The following JAKMIP2 variants were observed in gnomAD, a reference collection of about 807,000 sequenced individuals.
The protein encoded by JAKMIP2 is janus kinase and microtubule interacting protein 2, also known as janus kinase and microtubule-interacting protein 2.
In JAKMIP2, 25 loss-of-function variants were observed where a neutral mutation model predicts 115.0. That is an observed-to-expected ratio of 0.22 (90% confidence interval 0.16 to 0.30). The LOEUF (loss-of-function observed/expected upper bound fraction) is 0.30, where lower values mean the gene tolerates loss of function less well. JAKMIP2 is among the 10% of genes least tolerant of loss of function. The pLI is 1.00. For missense variants in JAKMIP2, 642 were observed against 957.6 expected (o/e 0.67, Z 4.35); for synonymous variants, 334 against 343.6 (o/e 0.97, Z 0.31).
Position 147,619,295 on chromosome 5 carries a change from T to G in JAKMIP2, c.2143-1181A>C, listed in dbSNP as rs578235178. On this transcript the variant is annotated intron_variant, in intron 18 of 21. Transcript: ENST00000616793. ...GGACCCACATAAACACACAACTTAA[T>G]TTCGTATAGGTAGAAGAGGCAAGGG... Among the ~76,000 whole-genome samples, 5 of 152,038 alleles carry G rather than the reference T, an allele frequency of 3.3e-5. No homozygotes were observed. The South Asian group carries it at 1.0e-3, about 32-fold the overall frequency.
intron 1 of JAKMIP2, among the ~76,000 whole-genome samples, chr5:147,685,766 TTA>T (rs1760536256): frequency 6.6e-6 from 1 of 152,178 alleles, no homozygotes; most frequent in African/African-American, 2.4e-5. Flanking sequence ...GCATATATGT[TTA>T]TATATATAAA....
At chr5:147,659,743 G>C (rs1480143077) in intron 3 of JAKMIP2, among the ~76,000 whole-genome samples, 2 of 152,202 alleles carry the variant, frequency 1.3e-5, no homozygotes, top group Non-Finnish European at 2.9e-5. Context: ...GCAGGGCAGA[G>C]ACCGATATTT....
chr5:147,621,936 C>T (rs924195049), intron 17 of JAKMIP2, among the ~76,000 whole-genome samples: 22 of 152,226 alleles, frequency 1.4e-4, no homozygotes, highest in African/African-American at 4.8e-4. Flanking sequence ...GGCGCGATCT[C>T]GGCTCACTGC....
At position 147,674,046 on chromosome 5, in the gene JAKMIP2, T is replaced by G. The variant is rs189370888; in HGVS notation, c.-148-2092A>C. ...CTTGTATATACATACAACACTTTACTTATCAAATCCACTTGAATAGATCTG... is the reference window on the plus strand; with the variant it reads ...CTTGTATATACATACAACACTTTACGTATCAAATCCACTTGAATAGATCTG... On this transcript the variant is annotated intron_variant, in intron 1 of 21. Coordinates refer to ENST00000616793, the MANE Select transcript of JAKMIP2 (RefSeq NM_001270941.2). Among the ~76,000 whole-genome samples, 392 of 152,288 alleles carry G rather than the reference T, an allele frequency of 2.6e-3. 3 individuals are homozygous for G. Among genetic ancestry groups the G allele is most frequent in the Non-Finnish European group, 4.1e-3 (281 of 68,026 alleles).
rs180836857 is a variant in JAKMIP2 at position 147,661,826 on chromosome 5, C to T, written c.130-381G>A. 2.4e-3 allele frequency: 467 copies of T among 196,554 alleles called. 6 individuals carry two copies. The highest frequency in any genetic ancestry group is 1.6e-3 in the Non-Finnish European group (154 of 96,278). The allele number at this position is 196,554 out of a possible 1,614,324, so 12.2% of individuals were successfully genotyped here. On this transcript the variant is annotated intron_variant, in intron 2 of 21. Transcript: ENST00000616793. ...AACAAATCCCCATGTGATTGGTATA[C>T]GCCTTAAAATTAGAAAGTATCGCTA...
intron 1 of JAKMIP2, among the ~76,000 whole-genome samples, chr5:147,771,466 C>G (rs1755350400): frequency 6.6e-6 from 1 of 151,792 alleles, no homozygotes; most frequent in Admixed American, 6.6e-5. Flanking sequence ...GAAAGAAACC[C>G]TTAGATATAT....
chr5:147,757,959 G>A (rs1329880643), intron 1 of JAKMIP2, among the ~76,000 whole-genome samples: 1 of 151,918 alleles, frequency 6.6e-6, no homozygotes, highest in Non-Finnish European at 1.5e-5. Context: ...ACCTGATTTT[G>A]ACTTCAAAAT....
intron 1 of JAKMIP2, among the ~76,000 whole-genome samples, chr5:147,674,985 G>T (rs1010335453): frequency 2.0e-5 from 3 of 152,188 alleles, no homozygotes; most frequent in African/African-American, 4.8e-5. Flanking sequence ...TTGACACATG[G>T]AGTCACTGAT....
At chr5:147,616,957 C>G (rs761138776) in intron 19 of JAKMIP2, among the ~76,000 whole-genome samples, 10 of 152,140 alleles carry the variant, frequency 6.6e-5, no homozygotes, top group South Asian at 2.1e-4. Flanking sequence ...GATGACCACA[C>G]GATTCTTACC....
At chr5:147,764,853 T>A (rs1245824778) in intron 1 of JAKMIP2, among the ~76,000 whole-genome samples, 1 of 142,920 alleles carries the variant, frequency 7.0e-6, no homozygotes, top group African/African-American at 2.7e-5. Flanking sequence ...GCCACTGCAC[T>A]CCAGGCTGGT....
chr5:147,603,820 A>G (rs556275477), intron 20 of JAKMIP2, among the ~76,000 whole-genome samples: 3 of 152,248 alleles, frequency 2.0e-5, no homozygotes, highest in Non-Finnish European at 2.9e-5. Flanking sequence ...TTGAATTCCA[A>G]CAATGAACAT....
At chr5:147,749,360 A>G (rs1754467795) in intron 1 of JAKMIP2, among the ~76,000 whole-genome samples, 1 of 152,192 alleles carries the variant, frequency 6.6e-6, no homozygotes. Flanking sequence ...ACCCTTTTTA[A>G]TCCTTATTTT....
At chr5:147,690,832 G>A (rs1035431790) in intron 1 of JAKMIP2, among the ~76,000 whole-genome samples, 1 of 151,776 alleles carries the variant, frequency 6.6e-6, no homozygotes, top group Non-Finnish European at 1.5e-5. Context: ...ACCTAACCTT[G>A]ACCACAACTC....
intron 19 of JAKMIP2, among the ~76,000 whole-genome samples, chr5:147,614,134 C>T (rs1232696773): frequency 2.0e-5 from 3 of 152,194 alleles, no homozygotes; most frequent in African/African-American, 7.2e-5. Flanking sequence ...TCAGCCATCA[C>T]ATCTATGCTT....
At position 147,661,381 on chromosome 5, in the gene JAKMIP2, T is replaced by G; in HGVS notation, c.194A>C (p.Lys65Thr). Residue 65 changes from lysine (K) to threonine (T), a missense_variant, in exon 3 of 22, where the codon AAG (lysine) becomes ACG (threonine). Transcript: ENST00000616793. ...GAGTTCTGTCACCAGCACCGTGTGC[T>G]TGCGCTGCTCCAGCTCACGAATCCT... ...AKRIRELEQR[K>T]HTVLVTELKA... is the part of the protein sequence containing the mutation. 6.2e-7 allele frequency: 1 copy of G among 1,614,130 alleles called. No individual in the cohort carries two copies. Among genetic ancestry groups the G allele is most frequent in the Non-Finnish European group, 8.5e-7 (1 of 1,180,016 alleles).
intron 2 of JAKMIP2, among the ~76,000 whole-genome samples, chr5:147,665,213 T>C (rs529522015): frequency 6.6e-6 from 1 of 152,328 alleles, no homozygotes; most frequent in Admixed American, 6.5e-5. Context: ...TTCATTTACA[T>C]ATTGCTTAAG....
intron 1 of JAKMIP2, among the ~76,000 whole-genome samples, chr5:147,774,820 T>C (rs1256014060): frequency 1.3e-5 from 2 of 152,254 alleles, no homozygotes; most frequent in African/African-American, 2.4e-5. Context: ...CAGGGGAACA[T>C]TTCCAGTTTG....
chr5:147,713,225 T>C (rs1430096609), intron 1 of JAKMIP2, among the ~76,000 whole-genome samples: 2 of 152,208 alleles, frequency 1.3e-5, no homozygotes, highest in Non-Finnish European at 2.9e-5. Flanking sequence ...TTGCTTAACA[T>C]TTGTTTAATT....
intron 21 of JAKMIP2, among the ~76,000 whole-genome samples, chr5:147,599,830 A>G (rs1471754298): frequency 1.3e-5 from 2 of 152,146 alleles, no homozygotes; most frequent in Admixed American, 6.6e-5. Flanking sequence ...GGAAAGTCAC[A>G]TGCTGTAGTT....
Sources: allele counts gnomAD v4.1 joint callset (sites outside exome capture counted in the v4.1 genomes callset), GRCh38; gene constraint gnomAD v4.1.1; transcripts MANE v1.5; gene names NCBI Gene and HGNC (gene_info 2026-07-23, HGNC 2026-07-21).